The following SORCS1 variants were observed in gnomAD, a reference collection of about 807,000 sequenced individuals.
SORCS1 encodes VPS10 domain-containing receptor SorCS1.
Under a neutral mutation model 146.1 loss-of-function variants are expected in SORCS1, and 60 were observed. The ratio of observed to expected loss-of-function variants is 0.41; its 90% CI spans 0.33 to 0.51. The LOEUF is 0.51. SORCS1 is among the 20% of genes least tolerant of loss of function. The pLI is 0.21. For synonymous variants in SORCS1, 637 were observed against 584.0 expected (o/e 1.09, Z -1.31); for missense variants, 1,352 against 1,487.6 (o/e 0.91, Z 1.50).
chr10:106,853,868 C>A lies in SORCS1; in HGVS notation c.627-24195G>T, dbSNP rs566671450. 1.3e-4 allele frequency among the ~76,000 whole-genome samples: 19 copies of A among 151,990 alleles called. No individual in the cohort carries two copies. In the South Asian group the frequency reaches 3.5e-3, roughly 28 times the overall value. On this transcript the variant is annotated intron_variant, in intron 2 of 25. Coordinates refer to ENST00000263054, the MANE Select transcript of SORCS1 (RefSeq NM_052918.5). ...GTTTGTTAAGGTGTGTTTTATGGTT[C>A]AGAAAGTGGTCTGTCTTAGCAAATT...
chr10:106,879,528 G>T lies in SORCS1; in HGVS notation c.627-49855C>A, dbSNP rs369828029. Among the ~76,000 whole-genome samples the T allele has an allele frequency of 9.9e-4, 150 of 152,264 alleles. 2 individuals carry two copies. The South Asian group carries it at 0.03, about 30-fold the overall frequency. On this transcript the variant is annotated intron_variant, in intron 2 of 25. Transcript: ENST00000263054. ...GAATAGGTTAGATGACATGACAAAA[G>T]GGACTTTGTAGATGTAAGTGTGGTT...
intron 1 of SORCS1, among the ~76,000 whole-genome samples, chr10:107,147,373 G>A (rs1968416303): frequency 6.6e-6 from 1 of 152,162 alleles, no homozygotes; most frequent in Non-Finnish European, 1.5e-5. Flanking sequence ...TGACTAGACA[G>A]CCATCAGCCC....
intron 9 of SORCS1, among the ~76,000 whole-genome samples, chr10:106,692,905 G>A (rs969863348): frequency 6.6e-6 from 1 of 151,720 alleles, no homozygotes; most frequent in Non-Finnish European, 1.5e-5. Flanking sequence ...TTATATAAAT[G>A]TATTAAATTA....
rs1157226630 is a variant in SORCS1 at position 106,773,418 on chromosome 10, G to C, written c.885+3116C>G. On this transcript the variant is annotated intron_variant, in intron 4 of 25. Coordinates refer to ENST00000263054, the MANE Select transcript of SORCS1 (RefSeq NM_052918.5). ...ACAGACCCTCTCAACTTGACTTCCA[G>C]CCAATGCCATCAGCTAACGGCTGCG... 2.0e-5 allele frequency among the ~76,000 whole-genome samples: 3 copies of C among 152,106 alleles called. No individual in the cohort carries two copies. The East Asian group carries it at 5.8e-4, about 29-fold the overall frequency.
chr10:106,863,309 G>A (rs552111683), intron 2 of SORCS1, among the ~76,000 whole-genome samples: 4 of 152,144 alleles, frequency 2.6e-5, no homozygotes, highest in Non-Finnish European at 1.5e-5. Context: ...CAGATAACTT[G>A]AGGTCAGGAG....
chr10:106,585,041 AC>A (rs745469614), intron 24 of SORCS1, among the ~76,000 whole-genome samples: 10 of 151,084 alleles, frequency 6.6e-5, no homozygotes, highest in Non-Finnish European at 1.3e-4. Flanking sequence ...GCTAGGCTTC[AC>A]TTGAAAAAAA....
chr10:107,059,124 T>C (rs528155359), intron 1 of SORCS1, among the ~76,000 whole-genome samples: 3 of 152,178 alleles, frequency 2.0e-5, no homozygotes, highest in Non-Finnish European at 2.9e-5. Flanking sequence ...CTTAGCATAA[T>C]CTAAATCATC....
chr10:106,982,421 C>T (rs1384282407), intron 1 of SORCS1, among the ~76,000 whole-genome samples: 1 of 152,116 alleles, frequency 6.6e-6, no homozygotes, highest in African/African-American at 2.4e-5. Context: ...GACAGCTTAG[C>T]TTGAGATTTC....
In SORCS1 at chr10:106,731,295, A is replaced by AG. The variant is rs796293380; in HGVS notation, c.960-1182_960-1181insC. Among the ~76,000 whole-genome samples the AG allele has an allele frequency of 3.5e-3, 320 of 90,900 alleles. 8 individuals carry two copies. The highest frequency in any genetic ancestry group is 0.031 in the East Asian group (115 of 3,720). 59.6% of individuals were successfully genotyped at this position (90,900 alleles called of 152,430 possible). On this transcript the variant is annotated intron_variant, in intron 5 of 25. Coordinates refer to ENST00000263054, the MANE Select transcript of SORCS1 (RefSeq NM_052918.5). ...GTGACGGAGTGAGACTCCGTCTCAA[A>AG]AAAAAAAAAAAAAAAAAAAAAAAAA...
intron 1 of SORCS1, among the ~76,000 whole-genome samples, chr10:107,079,466 G>A (rs1361043216): frequency 6.6e-6 from 1 of 152,122 alleles, no homozygotes; most frequent in Non-Finnish European, 1.5e-5. Flanking sequence ...CCTGATCTCA[G>A]TACTGATTCC....
chr10:107,139,638 A>T (rs1967633713), intron 1 of SORCS1, among the ~76,000 whole-genome samples: 2 of 152,338 alleles, frequency 1.3e-5, no homozygotes, highest in Middle Eastern at 3.4e-3. Context: ...GCCCAAATAC[A>T]TGACGCAGTT....
the SORCS1 span, among the ~76,000 whole-genome samples, chr10:107,178,546 T>C: frequency 1.3e-5 from 2 of 151,990 alleles, no homozygotes; most frequent in African/African-American, 4.8e-5. Context: ...CAGGCTGGAA[T>C]GTCACCCAGT....
At chr10:106,662,540 C>T (rs1277629760) in intron 17 of SORCS1, among the ~76,000 whole-genome samples, 1 of 152,150 alleles carries the variant, frequency 6.6e-6, no homozygotes, top group Non-Finnish European at 1.5e-5. Flanking sequence ...CTTGCGATTC[C>T]TTTGCACTTC....
At chr10:107,178,372 T>C in the SORCS1 span, among the ~76,000 whole-genome samples, 7 of 152,030 alleles carry the variant, frequency 4.6e-5, no homozygotes, top group African/African-American at 9.7e-5. Context: ...CACAAATGAG[T>C]GTGAACATGT....
chr10:107,168,592 C>T (rs1028878361), upstream of SORCS1, among the ~76,000 whole-genome samples: 1 of 150,138 alleles, frequency 6.7e-6, no homozygotes, highest in Non-Finnish European at 1.5e-5. Flanking sequence ...CTCTTAGTAA[C>T]TAGTACTTTG....
intron 1 of SORCS1, among the ~76,000 whole-genome samples, chr10:107,084,677 C>A (rs1963629710): frequency 6.6e-6 from 1 of 152,000 alleles, no homozygotes; most frequent in South Asian, 2.1e-4. Context: ...CAAATCCACA[C>A]TTTGACTTCT....
chr10:106,693,958 A>C (rs935953894), intron 9 of SORCS1, among the ~76,000 whole-genome samples: 4 of 152,182 alleles, frequency 2.6e-5, no homozygotes, highest in African/African-American at 7.2e-5. Context: ...CTCAGACTTA[A>C]ATTACAAATC....
At chr10:107,170,194 T>C in the SORCS1 span, among the ~76,000 whole-genome samples, 75 of 152,346 alleles carry the variant, frequency 4.9e-4, no homozygotes, top group African/African-American at 1.4e-3. Flanking sequence ...GTTTTCTGTC[T>C]TTCTCTAGCC....
At chr10:107,137,515 A>C (rs560819241) in intron 1 of SORCS1, among the ~76,000 whole-genome samples, 2 of 152,320 alleles carry the variant, frequency 1.3e-5, no homozygotes, top group African/African-American at 4.8e-5. Context: ...AGTTACAAGA[A>C]TATTCATAGC....
Sources: allele counts gnomAD v4.1 joint callset (sites outside exome capture counted in the v4.1 genomes callset), GRCh38; gene constraint gnomAD v4.1.1; transcripts MANE v1.5; gene names NCBI Gene and HGNC (gene_info 2026-07-23, HGNC 2026-07-21).